The following ATAD3B variants were observed in gnomAD, a reference collection of about 807,000 sequenced individuals.
The protein encoded by ATAD3B is ATPase family AAA domain-containing protein 3B.
In ATAD3B, 59 loss-of-function variants were observed where a neutral mutation model predicts 70.2. That is an observed-to-expected ratio of 0.84 (90% CI 0.68 to 1.04). The LOEUF is 1.04. ATAD3B is among the 50% of genes least tolerant of loss of function. The pLI is 0.00. For missense variants in ATAD3B, 961 were observed against 913.4 expected (o/e 1.05, Z -0.67); for synonymous variants, 423 against 388.6 (o/e 1.09, Z -1.04).
Position 1,495,996 on chromosome 1 carries a change from T to C in ATAD3B, c.*179T>C. The C allele has an allele frequency of 7.4e-7, 1 of 1,351,664 alleles. No homozygotes were observed. Among genetic ancestry groups the C allele is most frequent in the Non-Finnish European group, 9.5e-7 (1 of 1,053,454 alleles). The allele number at this position is 1,351,664 out of a possible 1,614,324, so 83.7% of individuals were successfully genotyped here. ...CAGAAGGAGTGGGGCAGGCGGGGTCTTTGTTCTCGGCTCCCACAGCAGAGC... is the reference window on the plus strand; with the variant it reads ...CAGAAGGAGTGGGGCAGGCGGGGTCCTTGTTCTCGGCTCCCACAGCAGAGC... On this transcript the variant is annotated 3_prime_UTR_variant, in exon 16 of 16. Transcript: ENST00000673477.
At chr1:1,505,223 CG>C in the ATAD3B span, among the ~76,000 whole-genome samples, 636 of 152,178 alleles carry the variant, frequency 4.2e-3, 30 homozygotes, top group East Asian at 0.094. Flanking sequence ...GTCCACTGGA[CG>C]GGGGCCCTTC....
chr1:1,508,326 C>T, the ATAD3B span, among the ~76,000 whole-genome samples: 2 of 151,320 alleles, frequency 1.3e-5, no homozygotes, highest in Non-Finnish European at 2.9e-5. Context: ...ACGGGCACCA[C>T]GTGGTCATCC....
rs771738989 is a variant in ATAD3B, at chr1:1,482,543, A to C, written c.681-2A>C. On this transcript the variant is annotated splice_acceptor_variant, in intron 6 of 15. Transcript: ENST00000673477. LOFTEE classifies it high-confidence loss of function. ...CTGGTCACACCACTGCTTTCCCCGC[A>C]GGACGGCTGGCACCTTGTTTGGGGA... is the stretch of plus-strand genomic sequence containing the variant. 1 of 1,613,236 alleles carries C rather than the reference A, an allele frequency of 6.2e-7. No homozygotes were observed. Among genetic ancestry groups the C allele is most frequent in the Non-Finnish European group, 8.5e-7 (1 of 1,179,544 alleles).
In ATAD3B at chr1:1,482,193, G is replaced by T. The variant is rs1254882630; in HGVS notation, c.570G>T (p.Glu190Asp). 21 of 1,611,128 alleles carry T rather than the reference G, an allele frequency of 1.3e-5. No individual in the cohort carries two copies. The highest frequency in any genetic ancestry group is 1.8e-5 in the Non-Finnish European group (21 of 1,179,252). Residue 190 changes from glutamate to aspartate, a missense_variant, in exon 6 of 16, where the codon GAG becomes GAT. Around this residue, in one of 4 missense-constraint regions of ATAD3B, gnomAD observed 349 missense variants for 307.5 expected, o/e 1.14. Transcript: ENST00000673477. ...LRHKNEMLRV[E>D]TEARARAKAE... is the part of the protein sequence containing the mutation. Reference sequence around the variant, plus strand: ...ACAAGAATGAGATGCTGCGAGTGGAGACCGAGGCCCGGGCGCGCGCCAAGG... The same window carrying T: ...ACAAGAATGAGATGCTGCGAGTGGATACCGAGGCCCGGGCGCGCGCCAAGG...
At chr1:1,485,994 C>A in intron 9 of ATAD3B, 116 bp from the exon 10 acceptor site, 1 of 1,588,114 alleles carries the variant, frequency 6.3e-7, no homozygotes. Context: ...AGGCTGCCCA[C>A]GAGCTGGGCG....
At chr1:1,478,322 C>T (rs1258181739) in intron 2 of ATAD3B, 28 of 1,129,766 alleles carry the variant, frequency 2.5e-5, no homozygotes, top group Non-Finnish European at 1.2e-6. Context: ...CTAGAATGGG[C>T]ACGAGCTCTG....
intron 15 of ATAD3B, among the ~76,000 whole-genome samples, chr1:1,492,796 A>T (rs1023909611): frequency 1.3e-5 from 2 of 150,508 alleles, no homozygotes; most frequent in African/African-American, 4.9e-5. Flanking sequence ...AAAATTATCC[A>T]GGCGTGGTGG....
intron 11 of ATAD3B, among the ~76,000 whole-genome samples, chr1:1,487,389 G>A (rs1346208201): frequency 1.3e-5 from 2 of 151,666 alleles, no homozygotes; most frequent in Non-Finnish European, 2.9e-5. Context: ...TCAGGAGGCT[G>A]AGGCAGGAGA....
intron 15 of ATAD3B, among the ~76,000 whole-genome samples, chr1:1,494,376 G>C (rs534286750): frequency 2.0e-5 from 3 of 151,614 alleles, no homozygotes; most frequent in African/African-American, 7.2e-5. Flanking sequence ...CTCTTGGGTG[G>C]GCTCAAGACC....
rs1319387126 is a variant in ATAD3B, at chr1:1,482,174, A to G, written c.551A>G (p.Asn184Ser). Residue 184 changes from asparagine to serine, a missense_variant, in exon 6 of 16, where the codon AAT (asparagine) becomes AGT (serine). Transcript: ENST00000673477. ...VEREMELRHK[N>S]EMLRVETEAR... ...CGGGAGATGGAGCTGCGGCACAAGA[A>G]TGAGATGCTGCGAGTGGAGACCGAG... 2 of 1,610,628 alleles carry G rather than the reference A, an allele frequency of 1.2e-6. No individual in the cohort carries two copies. Among genetic ancestry groups the G allele is most frequent in the African/African-American group, 2.7e-5 (2 of 74,844 alleles).
downstream of ATAD3B, among the ~76,000 whole-genome samples, chr1:1,499,644 A>T (rs1402871860): frequency 5.9e-5 from 7 of 118,484 alleles, no homozygotes; most frequent in East Asian, 1.4e-3. Context: ...CCCAGGCTGG[A>T]GTGCAGTGGC....
chr1:1,507,173 C>T, the ATAD3B span, among the ~76,000 whole-genome samples: 1 of 152,296 alleles, frequency 6.6e-6, no homozygotes, highest in East Asian at 1.9e-4. Context: ...TGGATGACTT[C>T]TTTTTCTTCT....
At chr1:1,480,184 C>G (rs902215436) in intron 4 of ATAD3B, among the ~76,000 whole-genome samples, 3 of 118,724 alleles carry the variant, frequency 2.5e-5, no homozygotes, top group Non-Finnish European at 5.2e-5. Flanking sequence ...CGAGGGCACA[C>G]CCCCACCCCC....
At chr1:1,499,886 GC>G (rs1163931437), downstream of ATAD3B, among the ~76,000 whole-genome samples, 10 of 138,488 alleles carry the variant, frequency 7.2e-5, no homozygotes, top group East Asian at 2.2e-4. Context: ...GAGCCACCGT[GC>G]CCAGCCTTTT....
At position 1,495,732 on chromosome 1, in the gene ATAD3B, C is replaced by A; in HGVS notation, c.1862C>A (p.Thr621Asn). ...CTFRICSWMGTGLCPGPLSPR... is the reference protein window; with the variant it reads ...CTFRICSWMGNGLCPGPLSPR... ...TTTAGGATATGCTCCTGGATGGGGA[C>A]TGGGCTGTGCCCAGGGCCTCTGTCC... Residue 621 changes from threonine (T) to asparagine (N), a missense_variant, in exon 16 of 16, where the codon ACT becomes AAT. By Grantham distance (65) the Thr-to-Asn change is moderately conservative (BLOSUM62 0). This residue lies in a region of ATAD3B where 417 missense variants were observed against 335.0 expected (regional missense o/e 1.24). Transcript: ENST00000673477. 6.2e-7 allele frequency: 1 copy of A among 1,613,138 alleles called. No individual in the cohort carries two copies. Among genetic ancestry groups the A allele is most frequent in the Non-Finnish European group, 8.5e-7 (1 of 1,179,600 alleles).
Position 1,495,857 on chromosome 1 carries a change from G to C in ATAD3B, c.*40G>C, listed in dbSNP as rs770321855. The C allele has an allele frequency of 5.3e-6, 8 of 1,511,216 alleles. No homozygotes were observed. The East Asian group carries it at 1.1e-4, about 21-fold the overall frequency. 93.6% of individuals were successfully genotyped at this position (1,511,216 alleles called of 1,614,324 possible). A position where few individuals can be genotyped will look rare whatever the true frequency, so the allele number is the denominator to read the frequency against. On this transcript the variant is annotated 3_prime_UTR_variant, in exon 16 of 16. Coordinates refer to ENST00000673477, the MANE Select transcript of ATAD3B (RefSeq NM_031921.6). ...GGGGCAGGCCTCCTTCCTGCCCCTCGAGACACTCTTGGGAGATGCATTTTC... is the reference window on the plus strand; with the variant it reads ...GGGGCAGGCCTCCTTCCTGCCCCTCCAGACACTCTTGGGAGATGCATTTTC...
At chr1:1,474,282 C>T (rs971229698) in intron 1 of ATAD3B, among the ~76,000 whole-genome samples, 1 of 149,756 alleles carries the variant, frequency 6.7e-6, no homozygotes, top group African/African-American at 2.5e-5. Context: ...GCTCCGCCTC[C>T]TGGGTACACG....
rs141897484 is a variant in ATAD3B at position 1,485,028 on chromosome 1, A to C, written c.763A>C (p.Thr255Pro). The C allele has an allele frequency of 2.5e-6, 4 of 1,602,834 alleles. No individual in the cohort carries two copies. The East Asian group carries it at 9.0e-5, about 36-fold the overall frequency. ...DKVTATVAGL[T>P]LLAVGVYSAK... The stretch of plus-strand genomic sequence containing the variant: ...GTCTCTGCTGCAGGTGGCTGGGCTG[A>C]CGCTGCTGGCTGTCGGGGTCTACTC... The change falls in exon 8 of 16, where the codon ACG becomes CCG. Residue 255 changes from threonine to proline, a missense_variant. By Grantham distance (38) the Thr-to-Pro change is conservative. Coordinates refer to ENST00000673477, the MANE Select transcript of ATAD3B (RefSeq NM_031921.6).
intron 15 of ATAD3B, 104 bp from the exon 16 acceptor site, chr1:1,495,380 TC>T (rs1640730019): frequency 7.0e-7 from 1 of 1,435,638 alleles, no homozygotes; most frequent in Non-Finnish European, 9.4e-7. Flanking sequence ...CCTGAGGTTG[TC>T]CTGGTGCCCC....
Sources: allele counts gnomAD v4.1 joint callset (sites outside exome capture counted in the v4.1 genomes callset), GRCh38; gene constraint gnomAD v4.1.1; regional missense constraint gnomAD v4.1.1; transcripts MANE v1.5; gene names NCBI Gene and HGNC (gene_info 2026-07-23, HGNC 2026-07-21).